PTPRD: variants seen among roughly 807,000 people sequenced by gnomAD.
PTPRD encodes the protein protein tyrosine phosphatase receptor type D.
PTPRD carries 34 observed loss-of-function variants against 214.5 expected under a neutral mutation model. That is an observed-to-expected ratio of 0.16 (90% CI 0.12 to 0.21). The LOEUF (loss-of-function observed/expected upper bound fraction) is 0.21. PTPRD is among the 10% of genes least tolerant of loss of function. The probability of loss-of-function intolerance (pLI) is 1.00; values close to 1 mark genes in which losing one functional copy is unlikely to be tolerated. For missense variants in PTPRD, 2,545 were observed against 2,398.7 expected, an observed-to-expected ratio of 1.06 and a Z score of -1.27; for synonymous variants, 1,128 against 845.7, an observed-to-expected ratio of 1.33 and a Z score of -5.79.
intron 8 of PTPRD, among the ~76,000 whole-genome samples, chr9:9,547,091 C>T (rs1364129779): frequency 6.6e-6 from 1 of 152,034 alleles, no homozygotes; most frequent in Non-Finnish European, 1.5e-5. Flanking sequence ...CACAAAGACT[C>T]TACAAAAACC....
intron 5 of PTPRD, among the ~76,000 whole-genome samples, chr9:9,791,589 C>G (rs892627410): frequency 1.3e-5 from 2 of 152,060 alleles, no homozygotes; most frequent in Non-Finnish European, 1.5e-5. Context: ...TTTTTAAGAG[C>G]CTTGGCATTC....
At chr9:9,063,280 A>C (rs143318627) in intron 10 of PTPRD, among the ~76,000 whole-genome samples, 10 of 152,320 alleles carry the variant, frequency 6.6e-5, no homozygotes, top group African/African-American at 2.4e-4. Context: ...ACATTCTGTA[A>C]TTCTGTAGTT....
intron 2 of PTPRD, among the ~76,000 whole-genome samples, chr9:10,593,842 T>G (rs2076056140): frequency 6.6e-6 from 1 of 151,964 alleles, no homozygotes. Flanking sequence ...TCTTATTGCA[T>G]AGACAGAACA....
chr9:9,052,344 C>T (rs1304894128), intron 10 of PTPRD, among the ~76,000 whole-genome samples: 2 of 152,140 alleles, frequency 1.3e-5, no homozygotes, highest in East Asian at 3.9e-4. Context: ...TTCATAACAT[C>T]ATTGTATGAA....
At chr9:9,690,802 A>G (rs143160750) in intron 7 of PTPRD, among the ~76,000 whole-genome samples, 16 of 151,852 alleles carry the variant, frequency 1.1e-4, no homozygotes, top group South Asian at 6.2e-4. Context: ...TCTGGTCTCT[A>G]TTCTGTTTCA....
At chr9:9,188,899 T>A (rs1008706036) in intron 9 of PTPRD, among the ~76,000 whole-genome samples, 10 of 151,610 alleles carry the variant, frequency 6.6e-5, no homozygotes, top group African/African-American at 2.4e-4. Flanking sequence ...AACCAACACA[T>A]AAAGTGGAAA....
At chr9:10,193,370 G>A (rs541749550) in intron 3 of PTPRD, among the ~76,000 whole-genome samples, 35 of 152,010 alleles carry the variant, frequency 2.3e-4, no homozygotes, top group African/African-American at 6.0e-4. Flanking sequence ...CTCTGTGTGC[G>A]GTTGGGCTGG....
At chr9:9,263,720 A>C (rs2099981154) in intron 9 of PTPRD, among the ~76,000 whole-genome samples, 3 of 151,756 alleles carry the variant, frequency 2.0e-5, no homozygotes, top group Non-Finnish European at 1.5e-5. Context: ...CAAATACTGC[A>C]TATTCTCACT....
At chr9:8,438,554 C>G (rs946707430) in intron 34 of PTPRD, 1 of 152,114 alleles carries the variant, frequency 6.6e-6, no homozygotes, top group Non-Finnish European at 1.5e-5. Context: ...ATTACGTGAT[C>G]TTATCCAGAT....
At chr9:10,515,402 T>C (rs927952650) in intron 2 of PTPRD, among the ~76,000 whole-genome samples, 3 of 143,534 alleles carry the variant, frequency 2.1e-5, no homozygotes, top group Admixed American at 6.8e-5. Context: ...TTTATTACCA[T>C]AAAAGGGCAA....
chr9:10,539,760 TC>T (rs1230800054), intron 2 of PTPRD, among the ~76,000 whole-genome samples: 2 of 152,166 alleles, frequency 1.3e-5, no homozygotes, highest in Non-Finnish European at 2.9e-5. Flanking sequence ...CATTTTCAGA[TC>T]CGCTTTGGAG....
At chr9:9,593,691 G>A (rs1375373859) in intron 7 of PTPRD, among the ~76,000 whole-genome samples, 1 of 151,952 alleles carries the variant, frequency 6.6e-6, no homozygotes, top group Non-Finnish European at 1.5e-5. Flanking sequence ...TAGAACTAGG[G>A]GAGAACCAAA....
chr9:9,899,659 A>C (rs2075907598), intron 5 of PTPRD, among the ~76,000 whole-genome samples: 1 of 152,056 alleles, frequency 6.6e-6, no homozygotes, highest in South Asian at 2.1e-4. Context: ...AAAAAATTAA[A>C]AATAGAACCA....
intron 5 of PTPRD, among the ~76,000 whole-genome samples, chr9:9,821,950 A>G (rs1010327699): frequency 4.6e-4 from 69 of 149,116 alleles, no homozygotes; most frequent in African/African-American, 1.6e-3. Flanking sequence ...ATATTTATAT[A>G]TATTAAATTT....
Position 9,937,475 on chromosome 9 carries a change from T to C in PTPRD, c.-368+1032A>G, listed in dbSNP as rs202070518. ...AATTTTACTATTAGAAAAAATATTT[T>C]ATAAATTTTATACAAGTATATATTT... On this transcript the variant is annotated intron_variant, in intron 5 of 45. Coordinates refer to ENST00000381196, the MANE Select transcript of PTPRD (RefSeq NM_002839.4). Among the ~76,000 whole-genome samples, 9 of 151,862 alleles carry C rather than the reference T, an allele frequency of 5.9e-5. No individual in the cohort carries two copies. The East Asian group carries it at 1.7e-3, about 29-fold the overall frequency.
chr9:9,773,486 G>T (rs952368406), intron 5 of PTPRD, among the ~76,000 whole-genome samples: 20 of 151,992 alleles, frequency 1.3e-4, no homozygotes, highest in African/African-American at 4.6e-4. Context: ...AGGATCAAAA[G>T]GTAATCTTCC....
At chr9:10,097,853 C>T (rs2098507596) in intron 3 of PTPRD, among the ~76,000 whole-genome samples, 1 of 151,658 alleles carries the variant, frequency 6.6e-6, no homozygotes, top group Non-Finnish European at 1.5e-5. Context: ...TTTGTCCATT[C>T]AGTATGATAT....
At chr9:9,157,067 G>A (rs1278252698) in intron 10 of PTPRD, among the ~76,000 whole-genome samples, 7 of 152,160 alleles carry the variant, frequency 4.6e-5, no homozygotes, top group Admixed American at 3.9e-4. Flanking sequence ...TCCACTCTGT[G>A]ACAGCATAAA....
intron 8 of PTPRD, among the ~76,000 whole-genome samples, chr9:9,486,400 C>CA (rs2095639541): frequency 6.6e-6 from 1 of 151,842 alleles, no homozygotes; most frequent in Non-Finnish European, 1.5e-5. Flanking sequence ...TGGACTTTAA[C>CA]AAAAAAACAA....
Sources: allele counts gnomAD v4.1 joint callset (sites outside exome capture counted in the v4.1 genomes callset), GRCh38; gene constraint gnomAD v4.1.1; transcripts MANE v1.5; gene names NCBI Gene and HGNC (gene_info 2026-07-23, HGNC 2026-07-21).